The following MTA1 variants were observed in gnomAD, a reference collection of about 807,000 sequenced individuals.
MTA1 encodes the protein metastasis associated 1, also known as metastasis-associated protein MTA1.
Under a neutral mutation model 97.0 loss-of-function variants are expected in MTA1, and 15 were observed. The ratio of observed to expected loss-of-function variants is 0.15; its 90% CI spans 0.10 to 0.24. MTA1 has a LOEUF of 0.24. Ranked by LOEUF, MTA1 falls within the 10% of genes least tolerant of loss-of-function variation. The pLI, the probability that MTA1 is intolerant of heterozygous loss-of-function variation, is 1.00. For missense variants in MTA1, 709 were observed against 1,015.1 expected (o/e 0.70, Z 4.10); for synonymous variants, 435 against 417.5 (o/e 1.04, Z -0.51).
intron 1 of MTA1, among the ~76,000 whole-genome samples, chr14:105,435,987 G>T (rs1210091460): frequency 5.9e-5 from 9 of 152,152 alleles, no homozygotes; most frequent in Non-Finnish European, 1.5e-5. Flanking sequence ...CCAGCTTGTA[G>T]GCTGGGCATG....
chr14:105,452,480 G>C (rs1343483858), intron 6 of MTA1, among the ~76,000 whole-genome samples: 1 of 152,252 alleles, frequency 6.6e-6, no homozygotes, highest in African/African-American at 2.4e-5. Context: ...AGGAGTTCAA[G>C]AGCAGCCTGG....
At chr14:105,455,325 G>A (rs1237008507) in intron 7 of MTA1, among the ~76,000 whole-genome samples, 3 of 152,216 alleles carry the variant, frequency 2.0e-5, no homozygotes, top group Non-Finnish European at 4.4e-5. Context: ...GAGCTCCGAC[G>A]CAGTGCTCAC....
intron 16 of MTA1, chr14:105,466,183 TG>T: frequency 1.8e-6 from 1 of 565,472 alleles, no homozygotes. Context: ...GTGGTCTCCC[TG>T]CTCTCTGGAA....
At position 105,464,475 on chromosome 14, in the gene MTA1, G is replaced by T. The variant is rs587660424; in HGVS notation, c.1252G>T (p.Ala418Ser). Residue 418 changes from alanine to serine, a missense_variant, in exon 14 of 21, where the codon GCA becomes TCA. Ala to Ser is a moderately conservative substitution (Grantham distance 99, BLOSUM62 1). This residue lies in a region of MTA1 where 321 missense variants were observed against 593.5 expected (regional missense o/e 0.54). Coordinates refer to ENST00000331320, the MANE Select transcript of MTA1 (RefSeq NM_004689.4). ...GPPNMQCRLC[A>S]SCWTYWKKYG... is the part of the protein sequence containing the mutation. ...CCCTAACATGCAGTGTCGTCTCTGCGCATCTTGTTGGACATATTGGAAGAA... is the reference window on the plus strand; with the variant it reads ...CCCTAACATGCAGTGTCGTCTCTGCTCATCTTGTTGGACATATTGGAAGAA... 1 of 1,613,620 alleles carries T rather than the reference G, an allele frequency of 6.2e-7. No individual in the cohort carries two copies. The highest frequency in any genetic ancestry group is 1.3e-5 in the African/African-American group (1 of 75,028).
chr14:105,448,404 G>A (rs1371559616), intron 3 of MTA1, among the ~76,000 whole-genome samples: 8 of 152,142 alleles, frequency 5.3e-5, no homozygotes, highest in Non-Finnish European at 7.4e-5. Context: ...TGGGAGTTTC[G>A]GAGCCGCTGT....
At chr14:105,461,014 G>C in intron 10 of MTA1, 61 bp downstream of exon 10, 1 of 1,533,488 alleles carries the variant, frequency 6.5e-7, no homozygotes, top group East Asian at 2.3e-5. Flanking sequence ...GGTAGGCTGC[G>C]GGGGTGTGGG....
intron 7 of MTA1, 129 bp from the exon 8 acceptor site, chr14:105,458,141 G>A: frequency 1.4e-6 from 1 of 702,878 alleles, no homozygotes; most frequent in Non-Finnish European, 2.5e-6. Context: ...TTGCACCCTG[G>A]CCTCACCTAT....
At chr14:105,469,318 G>C (rs587737426) in intron 18 of MTA1, 149 bp from the exon 19 acceptor site, 544 of 840,754 alleles carry the variant, frequency 6.5e-4, no homozygotes, top group Non-Finnish European at 9.8e-4. Flanking sequence ...GAGGCCCCAC[G>C]TCCCCCAGGC....
chr14:105,428,533 G>A (rs917104985), intron 1 of MTA1, among the ~76,000 whole-genome samples: 1 of 152,104 alleles, frequency 6.6e-6, no homozygotes, highest in African/African-American at 2.4e-5. Context: ...CTCCCATAGT[G>A]CTGAGGTAAC....
At position 105,420,976 on chromosome 14, in the gene MTA1, C is replaced by CT. The variant is rs1248746309; in HGVS notation, c.28+914dup. Among the ~76,000 whole-genome samples, 1 of 152,218 alleles carries CT rather than the reference C, an allele frequency of 6.6e-6. No individual in the cohort carries two copies. The highest frequency in any genetic ancestry group is 2.4e-5 in the African/African-American group (1 of 41,462). ...CTGCAGCCTGCGCTGCTGGAGGGAGCTGGGGTCACTCCCGCTCTGGCTTGA... is the reference window on the plus strand; with the variant it reads ...CTGCAGCCTGCGCTGCTGGAGGGAGCTTGGGGTCACTCCCGCTCTGGCTTGA... On this transcript the variant is annotated intron_variant, in intron 1 of 20. Transcript: ENST00000331320. This position sits in a 1 kb window ranked among gnomAD's most constrained non-coding sequence, Gnocchi z 5.3.
chr14:105,464,911 G>C, intron 15 of MTA1, 48 bp downstream of exon 15: 1 of 1,513,340 alleles, frequency 6.6e-7, no homozygotes, highest in Non-Finnish European at 8.8e-7. Flanking sequence ...GGGTGGTGGG[G>C]AGAGAGCAGC....
At chr14:105,465,239 C>G (rs2083521582) in intron 16 of MTA1, 56 bp downstream of exon 16, 1 of 1,433,138 alleles carries the variant, frequency 7.0e-7, no homozygotes, top group Middle Eastern at 2.2e-4. Flanking sequence ...CAGCTTCTCA[C>G]CCAAGCTCAT....
At chr14:105,437,067 T>C (rs1385041197) in intron 1 of MTA1, among the ~76,000 whole-genome samples, 3 of 152,250 alleles carry the variant, frequency 2.0e-5, no homozygotes, top group African/African-American at 7.2e-5. Context: ...TCCATGCTCC[T>C]AGCCCGTTGT....
intron 2 of MTA1, among the ~76,000 whole-genome samples, chr14:105,443,939 A>G (rs1172573758): frequency 6.6e-6 from 1 of 151,944 alleles, no homozygotes; most frequent in Non-Finnish European, 1.5e-5. Flanking sequence ...AAATACAAAA[A>G]TGAGCCGGTG....
chr14:105,466,071 T>C (rs1261508695), intron 16 of MTA1: 3 of 255,536 alleles, frequency 1.2e-5, no homozygotes, highest in Non-Finnish European at 2.3e-5. Context: ...CACCAGCAGC[T>C]CCGGGGGCCT....
At chr14:105,469,057 T>A (rs2141719362) in intron 18 of MTA1, 1 of 422,526 alleles carries the variant, frequency 2.4e-6, no homozygotes, top group African/African-American at 2.0e-5. Context: ...AAGCCCGGCC[T>A]CCTGGTGGGG....
At chr14:105,441,719 G>A (rs12432864) in intron 2 of MTA1, among the ~76,000 whole-genome samples, 134,734 of 152,126 alleles carry the variant, frequency 0.89, 61,933 homozygotes, top group South Asian at 1. Flanking sequence ...GCGTGAACCC[G>A]GGAGGTGGAG....
rs587621770 is a variant in MTA1, at chr14:105,448,023, G to A, written c.191-1336G>A. Among the ~76,000 whole-genome samples the A allele has an allele frequency of 1.4e-4, 22 of 152,232 alleles. No homozygotes were observed. The South Asian group carries it at 2.5e-3, about 17-fold the overall frequency. ...GCCTCAGGGTGGAGGGTAGACACCC[G>A]CCAGGCTGCACTGTGGCCCCTGTGG... On this transcript the variant is annotated intron_variant, in intron 3 of 20. Coordinates refer to ENST00000331320, the MANE Select transcript of MTA1 (RefSeq NM_004689.4).
intron 2 of MTA1, 93 bp from the exon 3 acceptor site, chr14:105,445,325 T>C: frequency 8.6e-7 from 1 of 1,166,632 alleles, no homozygotes; most frequent in East Asian, 2.4e-5. Flanking sequence ...CTGCAGTCCC[T>C]GGACGGCAGG....
Sources: gnomAD v4.1 joint callset for allele counts (sites outside exome capture counted in the v4.1 genomes callset) on GRCh38, gnomAD v4.1.1 for gene constraint, gnomAD v4.1.1 regional missense constraint, Gnocchi (gnomAD v3.1) non-coding constraint, MANE v1.5 for transcripts, NCBI Gene and HGNC (gene_info 2026-07-23, HGNC 2026-07-21) for gene names.